Variants in RAD51B observed in about 807,000 individuals in gnomAD.
RAD51B encodes the protein RAD51 paralog B, also known as DNA repair protein RAD51 homolog 2.
A neutral mutation model predicts 42.2 loss-of-function variants in RAD51B; 38 were observed. The observed-to-expected ratio is 0.90, with a 90% CI of 0.70 to 1.18. The LOEUF is 1.18. Among genes scored for constraint, RAD51B ranks in the 50% most tolerant of loss-of-function variants. The probability of loss-of-function intolerance (pLI) is 0.00; values close to 1 mark genes in which losing one functional copy is unlikely to be tolerated. For synonymous variants in RAD51B, 154 were observed against 145.2 expected, an observed-to-expected ratio of 1.06 and a Z score of -0.43; for missense variants, 373 against 400.7, an observed-to-expected ratio of 0.93 and a Z score of 0.59.
At chr14:68,631,133 T>TA (rs34052915) in intron 10 of RAD51B, among the ~76,000 whole-genome samples, 13 of 151,198 alleles carry the variant, frequency 8.6e-5, no homozygotes, top group South Asian at 2.1e-4. Context: ...GTCCAATTGT[T>TA]AAAAAAAAAT....
intron 8 of RAD51B, among the ~76,000 whole-genome samples, chr14:68,301,591 T>G (rs1461524071): frequency 8.7e-6 from 1 of 115,148 alleles, no homozygotes; most frequent in Non-Finnish European, 1.8e-5. Context: ...TTTGTTTGTG[T>G]GTTTTTTTTT....
intron 10 of RAD51B, among the ~76,000 whole-genome samples, chr14:68,588,752 G>C (rs1228047028): frequency 6.6e-6 from 1 of 152,178 alleles, no homozygotes; most frequent in Non-Finnish European, 1.5e-5. Flanking sequence ...GGATTCTCTT[G>C]TCATGGGGAT....
At chr14:68,613,721 T>C (rs1053174816), downstream of RAD51B, among the ~76,000 whole-genome samples, 3 of 152,234 alleles carry the variant, frequency 2.0e-5, no homozygotes, top group Non-Finnish European at 4.4e-5. Context: ...CCCAAAGTGC[T>C]GGGATTACAG....
chr14:68,417,956 G>A (rs1261654829), intron 9 of RAD51B, among the ~76,000 whole-genome samples: 2 of 152,190 alleles, frequency 1.3e-5, no homozygotes, highest in African/African-American at 4.8e-5. Context: ...CCTTTCCCAT[G>A]CTTTGACCAC....
chr14:68,683,015 T>G, intron 11 of RAD51B: 1 of 949,616 alleles, frequency 1.1e-6, no homozygotes, highest in Non-Finnish European at 1.3e-6. Context: ...GCATATCCTG[T>G]CACAAAGGAC....
chr14:68,467,117 ATAAT>A (rs1261610561), intron 9 of RAD51B, among the ~76,000 whole-genome samples: 5 of 152,258 alleles, frequency 3.3e-5, no homozygotes. Flanking sequence ...CAGGAAACTG[ATAAT>A]TAATCTTCTT....
chr14:68,173,805 A>G (rs2078916092), intron 7 of RAD51B, among the ~76,000 whole-genome samples: 1 of 152,236 alleles, frequency 6.6e-6, no homozygotes, highest in Non-Finnish European at 1.5e-5. Context: ...GCTTTGAAAC[A>G]GTCTTAAGAT....
intron 10 of RAD51B, among the ~76,000 whole-genome samples, chr14:68,635,859 G>A (rs1034445138): frequency 6.6e-6 from 1 of 152,180 alleles, no homozygotes; most frequent in African/African-American, 2.4e-5. Flanking sequence ...TTGAGAAGAA[G>A]AGCAATTTAC....
intron 8 of RAD51B, among the ~76,000 whole-genome samples, chr14:68,314,254 C>T (rs1231827331): frequency 6.6e-6 from 1 of 152,114 alleles, no homozygotes; most frequent in African/African-American, 2.4e-5. Flanking sequence ...CACTCCTACT[C>T]CACTGTGTCT....
chr14:68,540,166 CTTTTTTTTT>C (rs11321834), intron 10 of RAD51B: 7 of 587,324 alleles, frequency 1.2e-5, no homozygotes, highest in African/African-American at 2.5e-5. Flanking sequence ...TACCCTGCTC[CTTTTTTTTT>C]TTTTTTTTTT....
At chr14:68,639,714 G>A (rs1277334329) in intron 10 of RAD51B, among the ~76,000 whole-genome samples, 3 of 152,176 alleles carry the variant, frequency 2.0e-5, no homozygotes, top group Admixed American at 6.5e-5. Context: ...CAGAACCTTC[G>A]GTTTGGCTGC....
At chr14:68,123,198 T>C (rs1414646577) in intron 7 of RAD51B, among the ~76,000 whole-genome samples, 4 of 147,706 alleles carry the variant, frequency 2.7e-5, no homozygotes, top group African/African-American at 7.5e-5. Flanking sequence ...TTTCTTTTTT[T>C]TTTTTTTTTT....
intron 10 of RAD51B, among the ~76,000 whole-genome samples, chr14:68,509,660 C>G (rs1169882757): frequency 6.6e-6 from 1 of 152,170 alleles, no homozygotes; most frequent in East Asian, 1.9e-4. Flanking sequence ...GGAATTCTTG[C>G]CTAGCGAGAT....
At position 67,859,508 on chromosome 14, in the gene RAD51B, A is replaced by G. The variant is rs74889161; in HGVS notation, c.316-5495A>G. 9.0e-3 allele frequency among the ~76,000 whole-genome samples: 1,368 copies of G among 152,328 alleles called. 22 individuals are homozygous for G. Among genetic ancestry groups the G allele is most frequent in the African/African-American group, 0.031 (1,293 of 41,560 alleles). ...AGATGGAATTGTATCCACTATTGTT[A>G]ACAAAGAAACACTTTCTGATATTTT... On this transcript the variant is annotated intron_variant, in intron 4 of 10. Transcript: ENST00000471583.
chr14:68,605,935 G>C (rs1891428149), intron 10 of RAD51B, among the ~76,000 whole-genome samples: 1 of 152,194 alleles, frequency 6.6e-6, no homozygotes, highest in Non-Finnish European at 1.5e-5. Flanking sequence ...GGGACACGCT[G>C]TCTGTGCCAC....
At chr14:67,939,780 AACCCT>A (rs2045096334) in intron 7 of RAD51B, among the ~76,000 whole-genome samples, 1 of 151,810 alleles carries the variant, frequency 6.6e-6, no homozygotes, top group African/African-American at 2.4e-5. Flanking sequence ...GACTTAATCG[AACCCT>A]AATTACCTCC....
intron 10 of RAD51B, among the ~76,000 whole-genome samples, chr14:68,550,079 C>T (rs1040111807): frequency 7.2e-5 from 11 of 152,220 alleles, no homozygotes; most frequent in African/African-American, 2.7e-4. Context: ...TCTCACCCCT[C>T]TGCAGGCAGG....
chr14:68,611,989 G>T (rs908095875), downstream of RAD51B, among the ~76,000 whole-genome samples: 2 of 152,196 alleles, frequency 1.3e-5, no homozygotes, highest in Non-Finnish European at 2.9e-5. Flanking sequence ...CAAAGGACTG[G>T]CTAAGTAAAT....
chr14:68,083,980 C>T (rs1314542792), intron 7 of RAD51B, among the ~76,000 whole-genome samples: 2 of 151,908 alleles, frequency 1.3e-5, no homozygotes, highest in Non-Finnish European at 2.9e-5. Flanking sequence ...TTTTTGTTTC[C>T]CAAAGCTGTA....
Sources: gnomAD v4.1 joint callset for allele counts (sites outside exome capture counted in the v4.1 genomes callset) on GRCh38, gnomAD v4.1.1 for gene constraint, MANE v1.5 for transcripts, NCBI Gene and HGNC (gene_info 2026-07-23, HGNC 2026-07-21) for gene names.